CPLX4: variants seen among roughly 807,000 people sequenced by gnomAD.
CPLX4 encodes complexin 4, also known as complexin-4.
CPLX4 carries 17 observed loss-of-function variants against 16.1 expected under a neutral mutation model. The observed-to-expected ratio is 1.06, with a 90% CI of 0.72 to 1.59. CPLX4 has a LOEUF of 1.59. Ranked by LOEUF, CPLX4 falls within the 40% of genes most tolerant of loss-of-function variation. The probability of loss-of-function intolerance (pLI) is 0.00; values close to 1 mark genes in which losing one functional copy is unlikely to be tolerated. For synonymous variants in CPLX4, 55 were observed against 57.8 expected (o/e 0.95, Z 0.22); for missense variants, 193 against 192.9 (o/e 1.00, Z 0.00).
At chr18:59,304,452 T>C (rs1319172559) in intron 2 of CPLX4, among the ~76,000 whole-genome samples, 1 of 152,226 alleles carries the variant, frequency 6.6e-6, no homozygotes, top group Non-Finnish European at 1.5e-5. Context: ...ACCTTTGTGT[T>C]TTATACAAAA....
chr18:59,315,145 C>G (rs1251627564), intron 1 of CPLX4, among the ~76,000 whole-genome samples: 1 of 152,158 alleles, frequency 6.6e-6, no homozygotes. Context: ...ACAATTGAAA[C>G]AAGAGTTCTA....
chr18:59,314,342 C>A (rs1338350949), intron 1 of CPLX4, among the ~76,000 whole-genome samples: 1 of 148,740 alleles, frequency 6.7e-6, no homozygotes, highest in Non-Finnish European at 1.5e-5. Flanking sequence ...ATTGGCATCT[C>A]ACTGTACTTT....
intron 2 of CPLX4, among the ~76,000 whole-genome samples, chr18:59,309,046 A>G (rs1206344969): frequency 1.3e-5 from 2 of 152,164 alleles, no homozygotes; most frequent in African/African-American, 4.8e-5. Flanking sequence ...TTAAACTTTT[A>G]AATTTTAGTT....
At chr18:59,310,787 A>G (rs140576268) in intron 2 of CPLX4, among the ~76,000 whole-genome samples, 43 of 152,220 alleles carry the variant, frequency 2.8e-4, no homozygotes, top group African/African-American at 9.9e-4. Flanking sequence ...TTGCTGCTGC[A>G]TAAATTAAGA....
chr18:59,305,752 A>C (rs2070572326), intron 2 of CPLX4, among the ~76,000 whole-genome samples: 1 of 152,252 alleles, frequency 6.6e-6, no homozygotes, highest in Non-Finnish European at 1.5e-5. Context: ...TTTGAGAATC[A>C]TCAACATGTA....
chr18:59,315,216 G>C (rs116562192), intron 1 of CPLX4, among the ~76,000 whole-genome samples: 2 of 152,094 alleles, frequency 1.3e-5, no homozygotes, highest in African/African-American at 2.4e-5. Context: ...AGCCATACTG[G>C]TGTTTATGGA....
intron 2 of CPLX4, among the ~76,000 whole-genome samples, chr18:59,303,041 T>C (rs1383196915): frequency 6.6e-6 from 1 of 152,224 alleles, no homozygotes; most frequent in African/African-American, 2.4e-5. Context: ...GTGAGGATCA[T>C]GGACTTGAGC....
At chr18:59,304,376 C>A (rs1168222940) in intron 2 of CPLX4, among the ~76,000 whole-genome samples, 1 of 152,136 alleles carries the variant, frequency 6.6e-6, no homozygotes, top group African/African-American at 2.4e-5. Flanking sequence ...AATCTTGTAG[C>A]TTTATTTAAA....
intron 2 of CPLX4, among the ~76,000 whole-genome samples, chr18:59,302,800 C>A (rs1032524470): frequency 6.6e-6 from 1 of 152,164 alleles, no homozygotes; most frequent in Non-Finnish European, 1.5e-5. Context: ...CTTGAGATAC[C>A]ATGATAAATT....
At chr18:59,298,230 C>T (rs1179036211) in intron 2 of CPLX4, among the ~76,000 whole-genome samples, 1 of 152,104 alleles carries the variant, frequency 6.6e-6, no homozygotes, top group Non-Finnish European at 1.5e-5. Flanking sequence ...GCTGGGACTA[C>T]AGGTATGCAC....
chr18:59,304,641 G>A (rs879294833), intron 2 of CPLX4, among the ~76,000 whole-genome samples: 7 of 151,950 alleles, frequency 4.6e-5, no homozygotes, highest in Admixed American at 2.6e-4. Context: ...GCACAATCTC[G>A]GCTCACTGCA....
intron 1 of CPLX4, among the ~76,000 whole-genome samples, chr18:59,313,214 G>A (rs1281427115): frequency 1.3e-5 from 2 of 152,100 alleles, no homozygotes; most frequent in Non-Finnish European, 2.9e-5. Flanking sequence ...TGATTCTTAC[G>A]CAAACTAAAA....
At chr18:59,309,875 C>T (rs2070605374) in intron 2 of CPLX4, among the ~76,000 whole-genome samples, 1 of 150,502 alleles carries the variant, frequency 6.6e-6, no homozygotes, top group African/African-American at 2.5e-5. Flanking sequence ...AGAACAAATG[C>T]CTTGAAAGGA....
chr18:59,304,821 C>T (rs1603391574), intron 2 of CPLX4, among the ~76,000 whole-genome samples: 2 of 152,288 alleles, frequency 1.3e-5, no homozygotes, highest in African/African-American at 4.8e-5. Context: ...CTGCCCACCT[C>T]GGCTTCCCAA....
chr18:59,296,491 A>G lies in CPLX4; in HGVS notation c.*207T>C, dbSNP rs564929455. On this transcript the variant is annotated 3_prime_UTR_variant, in exon 3 of 3. Transcript: ENST00000299721. ...TTTCCAGTTTATCTCATTTATAACTAAAAGGAAAGTAAGGTTCCCGCTGCA... is the reference window on the plus strand; with the variant it reads ...TTTCCAGTTTATCTCATTTATAACTGAAAGGAAAGTAAGGTTCCCGCTGCA... 18 of 597,196 alleles carry G rather than the reference A, an allele frequency of 3.0e-5. No individual in the cohort carries two copies. In the East Asian group the frequency reaches 4.1e-4, roughly 14 times the overall value. 37.0% of individuals were successfully genotyped at this position (597,196 alleles called of 1,614,324 possible).
chr18:59,308,945 G>T (rs1339499178), intron 2 of CPLX4, among the ~76,000 whole-genome samples: 1 of 152,250 alleles, frequency 6.6e-6, no homozygotes, highest in Non-Finnish European at 1.5e-5. Flanking sequence ...GGTGGGGCTG[G>T]TTTGCAAGCG....
chr18:59,301,596 G>T (rs560902822), intron 2 of CPLX4, among the ~76,000 whole-genome samples: 41 of 152,352 alleles, frequency 2.7e-4, no homozygotes, highest in Admixed American at 5.2e-4. Flanking sequence ...AGGAGAAAAT[G>T]ATGCCCTCTG....
chr18:59,307,626 G>C (rs965907442), intron 2 of CPLX4, among the ~76,000 whole-genome samples: 4 of 152,124 alleles, frequency 2.6e-5, no homozygotes, highest in African/African-American at 9.7e-5. Flanking sequence ...ACCATGCCTT[G>C]GGCTTGTCAA....
intron 2 of CPLX4, among the ~76,000 whole-genome samples, chr18:59,308,276 A>G (rs2144186816): frequency 6.6e-6 from 1 of 152,228 alleles, no homozygotes; most frequent in African/African-American, 2.4e-5. Flanking sequence ...TCATTTATTC[A>G]GTCATCTCTC....
Sources: allele counts gnomAD v4.1 joint callset (sites outside exome capture counted in the v4.1 genomes callset), GRCh38; gene constraint gnomAD v4.1.1; transcripts MANE v1.5; gene names NCBI Gene and HGNC (gene_info 2026-07-23, HGNC 2026-07-21).